The following SDK1 variants were observed in gnomAD, a reference collection of about 807,000 sequenced individuals.
The protein encoded by SDK1 is protein sidekick-1.
In SDK1, 157 loss-of-function variants were observed where a neutral mutation model predicts 245.5. The ratio of observed to expected loss-of-function variants is 0.64; its 90% CI spans 0.56 to 0.73. SDK1 has a LOEUF of 0.73. Ranked by LOEUF, SDK1 falls within the 30% of genes least tolerant of loss-of-function variation. The pLI, the probability that SDK1 is intolerant of heterozygous loss-of-function variation, is 0.00. For missense variants in SDK1, 3,583 were observed against 3,002.3 expected, an observed-to-expected ratio of 1.19 and a Z score of -4.52; for synonymous variants, 1,647 against 1,278.5, an observed-to-expected ratio of 1.29 and a Z score of -6.15.
intron 17 of SDK1, among the ~76,000 whole-genome samples, chr7:4,023,525 G>A (rs148813068): frequency 2.7e-4 from 41 of 152,192 alleles, no homozygotes; most frequent in Middle Eastern, 6.8e-3. Flanking sequence ...AAATTTACTC[G>A]AGAATTTTAA....
intron 1 of SDK1, among the ~76,000 whole-genome samples, chr7:3,564,442 T>G (rs1562566002): frequency 6.6e-6 from 1 of 151,930 alleles, no homozygotes; most frequent in Non-Finnish European, 1.5e-5. Flanking sequence ...TGAGCCGAGA[T>G]TGCGCAACTA....
intron 1 of SDK1, among the ~76,000 whole-genome samples, chr7:3,443,599 A>G (rs1409407568): frequency 6.6e-6 from 1 of 152,296 alleles, no homozygotes; most frequent in East Asian, 1.9e-4. Context: ...CCAAGTTTAA[A>G]TGTTTCTCAT....
intron 1 of SDK1, among the ~76,000 whole-genome samples, chr7:3,503,621 A>G (rs1782288460): frequency 6.6e-6 from 1 of 152,112 alleles, no homozygotes; most frequent in South Asian, 2.1e-4. Flanking sequence ...AGGCTGCAGT[A>G]CGCTATGACC....
intron 5 of SDK1, among the ~76,000 whole-genome samples, chr7:3,901,834 C>CT (rs1288926464): frequency 6.6e-6 from 1 of 152,114 alleles, no homozygotes; most frequent in Non-Finnish European, 1.5e-5. Context: ...ATTTCCATTC[C>CT]TTTTTTTAGG....
Position 3,974,474 on chromosome 7 carries a change from C to T in SDK1, c.1923C>T (p.Asp641=), listed in dbSNP as rs767084552. 37 of 1,614,144 alleles carry T rather than the reference C, an allele frequency of 2.3e-5. No homozygotes were observed. Among genetic ancestry groups the T allele is most frequent in the Non-Finnish European group, 3.1e-5 (37 of 1,180,020 alleles). The change falls in exon 13 of 45, where the codon GAC becomes GAT. Residue 641 remains aspartate, a synonymous_variant. Coordinates refer to ENST00000404826, the MANE Select transcript of SDK1 (RefSeq NM_152744.4). The part of the protein sequence containing the change: ...SLLISQTWSG[D]IGDYSCEIVS... The stretch of plus-strand genomic sequence containing the variant: ...TCATCAGCCAGACGTGGTCAGGCGA[C>T]ATCGGTGACTACAGCTGCGAGATTG...
At chr7:3,506,794 G>C (rs931074074) in intron 1 of SDK1, among the ~76,000 whole-genome samples, 4 of 148,712 alleles carry the variant, frequency 2.7e-5, no homozygotes, top group African/African-American at 9.9e-5. Flanking sequence ...CCAGATGTTT[G>C]ATTTTTTCCT....
chr7:3,302,877 T>G (rs1779315638), intron 1 of SDK1, among the ~76,000 whole-genome samples: 1 of 152,200 alleles, frequency 6.6e-6, no homozygotes, highest in African/African-American at 2.4e-5. Flanking sequence ...TTGGCGAAGA[T>G]GAGAGCATTA....
intron 1 of SDK1, among the ~76,000 whole-genome samples, chr7:3,386,083 T>C (rs1283324485): frequency 3.3e-5 from 5 of 152,168 alleles, no homozygotes; most frequent in African/African-American, 1.2e-4. Flanking sequence ...TTGACAGGAT[T>C]GAGTAGGTAG....
chr7:4,092,161 C>G (rs10267261), intron 22 of SDK1, among the ~76,000 whole-genome samples: 1 of 152,186 alleles, frequency 6.6e-6, no homozygotes, highest in Non-Finnish European at 1.5e-5. Context: ...GCCTGTCTCA[C>G]GGGTGATTGA....
chr7:3,573,483 A>G (rs1780181490), intron 1 of SDK1, among the ~76,000 whole-genome samples: 1 of 152,038 alleles, frequency 6.6e-6, no homozygotes, highest in Non-Finnish European at 1.5e-5. Flanking sequence ...CCCCCATCAC[A>G]GGCTGAGGAC....
chr7:3,446,995 T>G (rs1354694688), intron 1 of SDK1, among the ~76,000 whole-genome samples: 1 of 152,208 alleles, frequency 6.6e-6, no homozygotes, highest in African/African-American at 2.4e-5. Flanking sequence ...TGAAGCAATC[T>G]GAGTGAATCA....
chr7:3,809,466 C>T (rs565554348), intron 4 of SDK1, among the ~76,000 whole-genome samples: 1 of 152,278 alleles, frequency 6.6e-6, no homozygotes, highest in Admixed American at 6.5e-5. Context: ...CCTTAGCCAT[C>T]GCAGGTGCTC....
rs1562871968 is a variant in SDK1, at chr7:4,139,565, G to A, written c.4229-6157G>A. On this transcript the variant is annotated intron_variant, in intron 28 of 44. Transcript: ENST00000404826. ...TATGTGTGTGTATATGTATATATGTGTGTATATGTGTGTGTGTATGTGTGT... is the reference window on the plus strand; with the variant it reads ...TATGTGTGTGTATATGTATATATGTATGTATATGTGTGTGTGTATGTGTGT... Among the ~76,000 whole-genome samples the A allele has an allele frequency of 1.1e-3, 15 of 14,152 alleles. 2 individuals carry two copies. Among genetic ancestry groups the A allele is most frequent in the African/African-American group, 3.0e-3 (15 of 4,928 alleles). 9.3% of individuals were successfully genotyped at this position (14,152 alleles called of 152,430 possible).
intron 32 of SDK1, among the ~76,000 whole-genome samples, chr7:4,163,025 T>G (rs976526861): frequency 6.6e-6 from 1 of 152,106 alleles, no homozygotes; most frequent in Non-Finnish European, 1.5e-5. Context: ...ATGTTGAGTT[T>G]CCCCAGGGCT....
At chr7:3,875,533 C>T (rs1781054689) in intron 5 of SDK1, among the ~76,000 whole-genome samples, 1 of 152,262 alleles carries the variant, frequency 6.6e-6, no homozygotes, top group Admixed American at 6.5e-5. Context: ...AGCTGGCTCT[C>T]TGCAGTGGGA....
intron 1 of SDK1, among the ~76,000 whole-genome samples, chr7:3,583,805 C>G (rs1780593965): frequency 6.6e-6 from 1 of 151,936 alleles, no homozygotes; most frequent in South Asian, 2.1e-4. Flanking sequence ...GCATCTGCAA[C>G]AGTAGAATTT....
At chr7:3,507,156 G>A (rs1468723314) in intron 1 of SDK1, among the ~76,000 whole-genome samples, 1 of 152,112 alleles carries the variant, frequency 6.6e-6, no homozygotes, top group Non-Finnish European at 1.5e-5. Flanking sequence ...TGAAGTTCCA[G>A]TGGGACTCTA....
intron 5 of SDK1, among the ~76,000 whole-genome samples, chr7:3,860,005 C>T (rs947772973): frequency 2.6e-5 from 4 of 151,842 alleles, no homozygotes; most frequent in Admixed American, 6.6e-5. Flanking sequence ...CTGCAAGCTC[C>T]ACCTCCCAGG....
At chr7:4,192,606 G>T in intron 35 of SDK1, among the ~76,000 whole-genome samples, 1 of 152,268 alleles carries the variant, frequency 6.6e-6, no homozygotes, top group South Asian at 2.1e-4. Flanking sequence ...AGTATGTTCC[G>T]TGTTTTTTCA....
Sources: allele counts gnomAD v4.1 joint callset (sites outside exome capture counted in the v4.1 genomes callset), GRCh38; gene constraint gnomAD v4.1.1; transcripts MANE v1.5; gene names NCBI Gene and HGNC (gene_info 2026-07-23, HGNC 2026-07-21).